ROBO2: variants seen among roughly 807,000 people sequenced by gnomAD.
The protein encoded by ROBO2 is roundabout homolog 2.
A neutral mutation model predicts 160.8 loss-of-function variants in ROBO2; 53 were observed. That is an observed-to-expected ratio of 0.33 (90% CI 0.26 to 0.41). The LOEUF (loss-of-function observed/expected upper bound fraction) is 0.41, where lower values mean the gene tolerates loss of function less well. Ranked by LOEUF, ROBO2 falls within the 10% of genes least tolerant of loss-of-function variation. The pLI is 1.00. For missense variants in ROBO2, 1,577 were observed against 1,722.4 expected (o/e 0.92, Z 1.49); for synonymous variants, 664 against 611.7 (o/e 1.09, Z -1.26).
At chr3:76,241,266 G>A (rs879658095) in intron 2 of ROBO2, among the ~76,000 whole-genome samples, 4 of 152,158 alleles carry the variant, frequency 2.6e-5, no homozygotes, top group East Asian at 1.9e-4. Context: ...TAAGGACATG[G>A]GGAAATAAAA....
At chr3:77,453,425 A>G (rs758913398) in intron 2 of ROBO2, among the ~76,000 whole-genome samples, 1 of 151,816 alleles carries the variant, frequency 6.6e-6, no homozygotes, top group Non-Finnish European at 1.5e-5. Context: ...CACTAACTGG[A>G]ATTTAATTTC....
At chr3:77,420,458 C>T (rs1352231243) in intron 2 of ROBO2, among the ~76,000 whole-genome samples, 1 of 152,112 alleles carries the variant, frequency 6.6e-6, no homozygotes, top group East Asian at 1.9e-4. Flanking sequence ...ACTGGCTCTA[C>T]CAATCAGGCC....
chr3:77,617,890 T>C, intron 22 of ROBO2, 117 bp downstream of exon 23: 2 of 1,143,438 alleles, frequency 1.7e-6, no homozygotes, highest in South Asian at 2.7e-5. Context: ...AGTGATTTTG[T>C]ATGACTCCTT....
intron 21 of ROBO2, 51 bp from the exon 23 acceptor site, chr3:77,617,462 A>G (rs2094805889): frequency 6.2e-7 from 1 of 1,601,644 alleles, no homozygotes; most frequent in Non-Finnish European, 8.5e-7. Context: ...GTGTGCATGT[A>G]TGTGTATATG....
At chr3:76,509,492 T>A (rs1156587670) in intron 2 of ROBO2, among the ~76,000 whole-genome samples, 1 of 152,116 alleles carries the variant, frequency 6.6e-6, no homozygotes, top group Non-Finnish European at 1.5e-5. Context: ...TCACCCTTGG[T>A]CGAATTTTTA....
chr3:77,513,627 T>C (rs1000066248), intron 5 of ROBO2, among the ~76,000 whole-genome samples: 2 of 151,884 alleles, frequency 1.3e-5, no homozygotes, highest in African/African-American at 4.8e-5. Flanking sequence ...GGGTTTTAAG[T>C]ATTAAAATAA....
chr3:76,565,542 T>C (rs1398581518), intron 2 of ROBO2, among the ~76,000 whole-genome samples: 1 of 152,336 alleles, frequency 6.6e-6, no homozygotes, highest in East Asian at 1.9e-4. Flanking sequence ...TTTCCATTTT[T>C]CTTCCTTCTG....
intron 2 of ROBO2, among the ~76,000 whole-genome samples, chr3:76,763,371 T>C (rs1014112944): frequency 2.6e-5 from 4 of 151,702 alleles, no homozygotes; most frequent in Admixed American, 1.3e-4. Context: ...AACATTGATA[T>C]TGAACGGCTA....
At chr3:76,905,927 T>G (rs1359847109) in intron 2 of ROBO2, among the ~76,000 whole-genome samples, 1 of 152,210 alleles carries the variant, frequency 6.6e-6, no homozygotes, top group Non-Finnish European at 1.5e-5. Flanking sequence ...ATTTTTCATC[T>G]CTTAATGGCT....
chr3:76,857,414 C>A (rs753402252), intron 2 of ROBO2, among the ~76,000 whole-genome samples: 7 of 152,104 alleles, frequency 4.6e-5, no homozygotes, highest in Non-Finnish European at 7.4e-5. Flanking sequence ...GAAGAAAAAT[C>A]TAACAGATTA....
At chr3:75,991,947 G>C (rs1257002255) in intron 2 of ROBO2, among the ~76,000 whole-genome samples, 3 of 152,156 alleles carry the variant, frequency 2.0e-5, no homozygotes, top group Non-Finnish European at 4.4e-5. Flanking sequence ...GTGGAACTTT[G>C]AACTTCAGAG....
intron 2 of ROBO2, among the ~76,000 whole-genome samples, chr3:76,851,967 A>T (rs2148544463): frequency 6.6e-6 from 1 of 152,186 alleles, no homozygotes; most frequent in African/African-American, 2.4e-5. Context: ...ATTAGGCTTA[A>T]TAGAAGGAGA....
chr3:77,165,620 A>G (rs922672906), intron 2 of ROBO2, among the ~76,000 whole-genome samples: 4 of 152,206 alleles, frequency 2.6e-5, no homozygotes, highest in Admixed American at 2.6e-4. Context: ...AGTTGTCCAC[A>G]TTCCCTAACT....
At chr3:77,595,946 T>C (rs2094293008) in intron 18 of ROBO2, among the ~76,000 whole-genome samples, 1 of 152,168 alleles carries the variant, frequency 6.6e-6, no homozygotes, top group South Asian at 2.1e-4. Context: ...AATCAGAATC[T>C]CATCTTTTAT....
intron 2 of ROBO2, among the ~76,000 whole-genome samples, chr3:76,240,727 T>C (rs974531704): frequency 7.2e-5 from 11 of 152,072 alleles, no homozygotes; most frequent in Admixed American, 3.9e-4. Flanking sequence ...CACCAATAGA[T>C]ACATATACAA....
chr3:77,047,383 T>A (rs896651259), intron 1 of ROBO2, among the ~76,000 whole-genome samples: 4 of 152,254 alleles, frequency 2.6e-5, no homozygotes, highest in East Asian at 1.9e-4. Context: ...AAAATAGTTT[T>A]AAAAATATAA....
chr3:76,094,713 C>T (rs1234111856), intron 2 of ROBO2, among the ~76,000 whole-genome samples: 4 of 152,010 alleles, frequency 2.6e-5, no homozygotes, highest in African/African-American at 9.7e-5. Context: ...CATCAAATAA[C>T]AAAACTATGT....
chr3:77,214,928 A>G (rs2084715220), intron 2 of ROBO2, among the ~76,000 whole-genome samples: 1 of 151,466 alleles, frequency 6.6e-6, no homozygotes, highest in African/African-American at 2.4e-5. Context: ...TCTGGCTTGT[A>G]GAGTGTCTGC....
intron 2 of ROBO2, among the ~76,000 whole-genome samples, chr3:76,742,124 A>G (rs1190434723): frequency 6.6e-6 from 1 of 152,152 alleles, no homozygotes; most frequent in Non-Finnish European, 1.5e-5. Context: ...GGCTTATCTA[A>G]TTAGATTTCC....
Sources: gnomAD v4.1 joint callset for allele counts (sites outside exome capture counted in the v4.1 genomes callset) on GRCh38, gnomAD v4.1.1 for gene constraint, MANE v1.5 for transcripts, NCBI Gene and HGNC (gene_info 2026-07-23, HGNC 2026-07-21) for gene names.